The following NOS1 variants were observed in gnomAD, a reference collection of about 807,000 sequenced individuals.
The protein encoded by NOS1 is nitric oxide synthase 1, also known as NOS type I.
Under a neutral mutation model 164.5 loss-of-function variants are expected in NOS1, and 51 were observed. The observed-to-expected ratio is 0.31, with a 90% CI of 0.25 to 0.39. The LOEUF (loss-of-function observed/expected upper bound fraction) is 0.39, where lower values mean the gene tolerates loss of function less well. Among genes scored for constraint, NOS1 ranks in the 10% least tolerant of loss-of-function variants. NOS1 has a pLI of 1.00. For missense variants in NOS1, 1,362 were observed against 1,885.6 expected (o/e 0.72, Z 5.14); for synonymous variants, 719 against 745.8 (o/e 0.96, Z 0.59).
chr12:117,330,364 T>A lies in NOS1; in HGVS notation c.706A>T (p.Met236Leu), dbSNP rs776921969. Residue 236 changes from methionine (M) to leucine (L), a missense_variant, in exon 2 of 29, where the codon ATG (methionine) becomes TTG (leucine). Coordinates refer to ENST00000317775, the MANE Select transcript of NOS1 (RefSeq NM_000620.5). This position sits in a 1 kb window ranked among gnomAD's most constrained non-coding sequence, Gnocchi z 4.6. The stretch of plus-strand genomic sequence containing the variant: ...GCTTACCTGTCCACCTGGATTCCCA[T>A]ATCTTTCATCTCTGCCTTGGCAGGT... Reference protein sequence around the residue: ...GAPAKAEMKDMGIQVDRDLDG... With the variant: ...GAPAKAEMKDLGIQVDRDLDG... 1.9e-6 allele frequency: 3 copies of A among 1,612,994 alleles called. No homozygotes were observed. The highest frequency in any genetic ancestry group is 1.7e-6 in the Non-Finnish European group (2 of 1,179,366).
chr12:117,256,284 G>GTTTTTTTTTTTTTTTTGTTTTTTTT (rs57047376), intron 16 of NOS1, among the ~76,000 whole-genome samples: 1 of 118,488 alleles, frequency 8.4e-6, no homozygotes, highest in African/African-American at 3.8e-5. Flanking sequence ...GGGATTTTCT[G>GTTTTTTTTTTTTTTTTGTTTTTTTT]TTTTTTTTTT....
chr12:117,322,758 C>G (rs1875044481), intron 2 of NOS1, among the ~76,000 whole-genome samples: 1 of 141,944 alleles, frequency 7.0e-6, no homozygotes, highest in Non-Finnish European at 1.5e-5. Flanking sequence ...CACTTCCTTC[C>G]CTCCTTCCTT....
chr12:117,250,830 C>G (rs544930505), intron 17 of NOS1, among the ~76,000 whole-genome samples: 3 of 152,266 alleles, frequency 2.0e-5, no homozygotes, highest in African/African-American at 4.8e-5. Context: ...ACTAGTCATG[C>G]CTTCTGGTTA....
rs35267348 is a variant in NOS1 at position 117,216,184 on chromosome 12, A to ATTTTT, written c.4290-865_4290-861dup. On this transcript the variant is annotated intron_variant, in intron 28 of 28. Coordinates refer to ENST00000317775, the MANE Select transcript of NOS1 (RefSeq NM_000620.5). ...TGAGCCACTGGGCCCGTCAAAAGGGATTTTTTTTTTTTTTTTGAGACGGAG... is the reference window on the plus strand; with the variant it reads ...TGAGCCACTGGGCCCGTCAAAAGGGATTTTTTTTTTTTTTTTTTTTTGAGACGGAG... 4.7e-4 allele frequency among the ~76,000 whole-genome samples: 59 copies of ATTTTT among 125,722 alleles called. 1 individual carries two copies. The highest frequency in any genetic ancestry group is 1.6e-3 in the African/African-American group (51 of 32,810). 82.5% of individuals were successfully genotyped at this position (125,722 alleles called of 152,430 possible). A position where few individuals can be genotyped will look rare whatever the true frequency, so the allele number is the denominator to read the frequency against.
chr12:117,231,872 G>T, intron 22 of NOS1, 90 bp downstream of exon 22: 3 of 1,371,358 alleles, frequency 2.2e-6, no homozygotes, highest in Non-Finnish European at 3.0e-6. Flanking sequence ...ACTTCCATCT[G>T]CTGGAAGCCT....
chr12:117,257,172 C>A (rs1294307931), intron 16 of NOS1, among the ~76,000 whole-genome samples: 1 of 152,138 alleles, frequency 6.6e-6, no homozygotes, highest in Non-Finnish European at 1.5e-5. Flanking sequence ...TAGCCTCAAG[C>A]CCCTGAGCTC....
At position 117,343,592 on chromosome 12, in the gene NOS1, G is replaced by C. The variant is rs550659769; in HGVS notation, c.-420-12103C>G. Reference sequence around the variant, plus strand: ...AACTAGTTGCCAAGACTTTCGTAATGATTAAGCAAGATGGACACCGTAAAG... The same window carrying C: ...AACTAGTTGCCAAGACTTTCGTAATCATTAAGCAAGATGGACACCGTAAAG... On this transcript the variant is annotated intron_variant, in intron 1 of 28. Coordinates refer to ENST00000317775, the MANE Select transcript of NOS1 (RefSeq NM_000620.5). Among the ~76,000 whole-genome samples, 11 of 152,322 alleles carry C rather than the reference G, an allele frequency of 7.2e-5. No homozygotes were observed. The East Asian group carries it at 2.1e-3, about 29-fold the overall frequency.
chr12:117,337,728 G>A (rs761680921), intron 1 of NOS1, among the ~76,000 whole-genome samples: 22 of 152,130 alleles, frequency 1.4e-4, no homozygotes, highest in Non-Finnish European at 2.5e-4. Flanking sequence ...AGAACCATAT[G>A]AATAGAGAGG....
Position 117,311,539 on chromosome 12 carries a change from C to T in NOS1, c.779G>A (p.Arg260Gln), listed in dbSNP as rs547371716. The part of the protein sequence containing the change: ...KPLPLGVEND[R>Q]VFNDLWGKGN... ...CTTCCCCCATAGGTCATTGAAGACT[C>T]GGTCGTTCTCCACGCCGAGGGGCAG... Residue 260 changes from arginine to glutamine, a missense_variant, in exon 3 of 29, where the codon CGA becomes CAA. Coordinates refer to ENST00000317775, the MANE Select transcript of NOS1 (RefSeq NM_000620.5). The T allele has an allele frequency of 2.5e-5, 40 of 1,613,052 alleles. No homozygotes were observed. The highest frequency in any genetic ancestry group is 3.3e-4 in the Middle Eastern group (2 of 6,050).
At chr12:117,333,060 T>C (rs931820565) in intron 1 of NOS1, among the ~76,000 whole-genome samples, 34 of 152,320 alleles carry the variant, frequency 2.2e-4, no homozygotes, top group African/African-American at 7.7e-4. Flanking sequence ...ACCTGTAGCA[T>C]GTGCCCACGG....
intron 8 of NOS1, among the ~76,000 whole-genome samples, chr12:117,279,117 G>A (rs1873419593): frequency 6.6e-6 from 1 of 151,792 alleles, no homozygotes; most frequent in Non-Finnish European, 1.5e-5. Context: ...GGTGGCTCAC[G>A]CCTGTAATCC....
intron 1 of NOS1, among the ~76,000 whole-genome samples, chr12:117,355,615 G>C (rs1342121286): frequency 6.6e-6 from 1 of 152,054 alleles, no homozygotes; most frequent in Non-Finnish European, 1.5e-5. Flanking sequence ...CAGACTAACA[G>C]AACATATCTG....
rs1274104805 is a variant in NOS1 at position 117,214,794 on chromosome 12, C to T, written c.*515G>A. 2.0e-6 allele frequency: 2 copies of T among 985,528 alleles called. No individual in the cohort carries two copies. Among genetic ancestry groups the T allele is most frequent in the Non-Finnish European group, 1.2e-6 (1 of 830,320 alleles). The allele number at this position is 985,528 out of a possible 1,614,324, so 61.0% of individuals were successfully genotyped here. A position where few individuals can be genotyped will look rare whatever the true frequency, so the allele number is the denominator to read the frequency against. Reference sequence around the variant, plus strand: ...AAGCAGTGGCAATCTAAGATCGACACACTTGTGCAGGGAAGAGGACGGACA... The same window carrying T: ...AAGCAGTGGCAATCTAAGATCGACATACTTGTGCAGGGAAGAGGACGGACA... On this transcript the variant is annotated 3_prime_UTR_variant, in exon 29 of 29. Coordinates refer to ENST00000317775, the MANE Select transcript of NOS1 (RefSeq NM_000620.5).
rs9658376 is a variant in NOS1, at chr12:117,272,597, G to A, written c.1665-38C>T. The A allele has an allele frequency of 3.3e-4, 524 of 1,595,070 alleles. 3 individuals carry two copies. In the South Asian group the frequency reaches 5.4e-3, roughly 16 times the overall value. On this transcript the variant is annotated intron_variant, in intron 9 of 28. Coordinates refer to ENST00000317775, the MANE Select transcript of NOS1 (RefSeq NM_000620.5). The surrounding 1 kb of genome is among the most constrained non-coding windows in gnomAD (Gnocchi z 4.3). ...ACAGGGCCCAGCTCACCCGGAGCAG[G>A]TGTCTCATGGGCGGGACAGCTTGAA...
intron 17 of NOS1, among the ~76,000 whole-genome samples, chr12:117,250,927 GT>G (rs1871054028): frequency 6.6e-6 from 1 of 152,142 alleles, no homozygotes; most frequent in South Asian, 2.1e-4. Flanking sequence ...ACTCATTTGT[GT>G]TTTTGAACTT....
At position 117,234,419 on chromosome 12, in the gene NOS1, G is replaced by A. The variant is rs1592936182; in HGVS notation, c.3235+146C>T. 3.9e-6 allele frequency: 3 copies of A among 774,072 alleles called. No individual in the cohort carries two copies. The highest frequency in any genetic ancestry group is 6.0e-6 in the Non-Finnish European group (3 of 499,854). The allele number at this position is 774,072 out of a possible 1,614,324, so 48.0% of individuals were successfully genotyped here. On this transcript the variant is annotated intron_variant, in intron 21 of 28. Coordinates refer to ENST00000317775, the MANE Select transcript of NOS1 (RefSeq NM_000620.5). The surrounding 1 kb of genome is among the most constrained non-coding windows in gnomAD (Gnocchi z 4.3). The stretch of plus-strand genomic sequence containing the variant: ...AAGGTTGATCAGTCATGAGAAAGGG[G>A]GATATCTTTAGTCTCATAGGCTGTT...
At chr12:117,232,545 C>T (rs1869332036) in intron 21 of NOS1, among the ~76,000 whole-genome samples, 1 of 152,136 alleles carries the variant, frequency 6.6e-6, no homozygotes, top group Non-Finnish European at 1.5e-5. Flanking sequence ...TTCTATATGC[C>T]GAGTACTATT....
At chr12:117,218,810 G>A (rs543967532) in intron 27 of NOS1, among the ~76,000 whole-genome samples, 2 of 152,106 alleles carry the variant, frequency 1.3e-5, no homozygotes, top group South Asian at 4.2e-4. Flanking sequence ...CTCCTGTGGC[G>A]GGCAGTCAAT....
chr12:117,269,536 G>A (rs916832950), intron 10 of NOS1, among the ~76,000 whole-genome samples: 1 of 138,102 alleles, frequency 7.2e-6, no homozygotes, highest in Non-Finnish European at 1.5e-5. Context: ...TCGTGATCTC[G>A]GCTCACTGCA....
Sources: gnomAD v4.1 joint callset for allele counts (sites outside exome capture counted in the v4.1 genomes callset) on GRCh38, gnomAD v4.1.1 for gene constraint, Gnocchi (gnomAD v3.1) non-coding constraint, MANE v1.5 for transcripts, NCBI Gene and HGNC (gene_info 2026-07-23, HGNC 2026-07-21) for gene names.